Variants in PRELID2 observed in about 807,000 individuals in gnomAD.
The protein encoded by PRELID2 is PRELI domain containing 2, also known as PRELI domain-containing protein 2.
A neutral mutation model predicts 28.4 loss-of-function variants in PRELID2; 25 were observed. That is an observed-to-expected ratio of 0.88 (90% CI 0.64 to 1.23). The LOEUF (loss-of-function observed/expected upper bound fraction) is 1.23, where lower values mean the gene tolerates loss of function less well. Ranked by LOEUF, PRELID2 falls within the 50% of genes most tolerant of loss-of-function variation. The probability of loss-of-function intolerance (pLI) is 0.00; values close to 1 mark genes in which losing one functional copy is unlikely to be tolerated. For synonymous variants in PRELID2, 76 were observed against 71.6 expected (o/e 1.06, Z -0.31); for missense variants, 201 against 214.4 (o/e 0.94, Z 0.39).
rs534798658 is a variant in PRELID2 at position 145,672,502 on chromosome 5, A to G, written n.70+92429T>C. Among the ~76,000 whole-genome samples the G allele has an allele frequency of 1.6e-3, 148 of 91,680 alleles. 2 individuals are homozygous for G. The African/African-American group carries it at 0.016, about 10-fold the overall frequency. 60.1% of individuals were successfully genotyped at this position (91,680 alleles called of 152,430 possible). A position where few individuals can be genotyped will look rare whatever the true frequency, so the allele number is the denominator to read the frequency against. On this transcript the variant is annotated intron_variant and non_coding_transcript_variant, in intron 1 of 2. Transcript: ENST00000510259. ...CTCAGAATTCCCCACGGAGCTTGTG[A>G]AAAAAAAAAAAAAACAGCCACTTCA...
the PRELID2 span, among the ~76,000 whole-genome samples, chr5:145,323,991 T>C: frequency 6.6e-6 from 1 of 152,188 alleles, no homozygotes; most frequent in Non-Finnish European, 1.5e-5. Context: ...ATAATGGGAA[T>C]CCTGGGTCAA....
At chr5:145,283,103 C>A in the PRELID2 span, among the ~76,000 whole-genome samples, 1 of 152,104 alleles carries the variant, frequency 6.6e-6, no homozygotes, top group African/African-American at 2.4e-5. Context: ...TCATTTCAGC[C>A]GCCCCTAGAA....
At chr5:145,710,743 T>G (rs780630669) in intron 1 of PRELID2, among the ~76,000 whole-genome samples, 4 of 152,236 alleles carry the variant, frequency 2.6e-5, no homozygotes, top group Non-Finnish European at 5.9e-5. Flanking sequence ...TCACGCCATT[T>G]CATCTGCATG....
At chr5:145,359,819 G>T in the PRELID2 span, among the ~76,000 whole-genome samples, 1 of 152,150 alleles carries the variant, frequency 6.6e-6, no homozygotes, top group African/African-American at 2.4e-5. Context: ...AAGTATGCTT[G>T]CATGTTAAGT....
the PRELID2 span, among the ~76,000 whole-genome samples, chr5:145,410,244 G>T: frequency 6.6e-6 from 1 of 152,128 alleles, no homozygotes; most frequent in Non-Finnish European, 1.5e-5. Flanking sequence ...TCTAGATATT[G>T]GCTTAGGCAA....
the PRELID2 span, among the ~76,000 whole-genome samples, chr5:145,351,015 A>G: frequency 6.6e-6 from 1 of 152,188 alleles, no homozygotes; most frequent in Admixed American, 6.5e-5. Context: ...TATTTGGGAT[A>G]TTTAGGTAAT....
At chr5:145,706,135 T>C (rs1206799009) in intron 1 of PRELID2, among the ~76,000 whole-genome samples, 1 of 152,136 alleles carries the variant, frequency 6.6e-6, no homozygotes, top group East Asian at 1.9e-4. Flanking sequence ...AAAGTGTAGA[T>C]GAAAGACAAA....
At chr5:145,641,253 AC>A (rs1754101893) in intron 1 of PRELID2, among the ~76,000 whole-genome samples, 1 of 152,182 alleles carries the variant, frequency 6.6e-6, no homozygotes, top group Non-Finnish European at 1.5e-5. Flanking sequence ...AATATACCTA[AC>A]TGGCAAAGGA....
At chr5:145,551,400 CTAAATAAA>C (rs10574544) in intron 1 of PRELID2, among the ~76,000 whole-genome samples, 28,080 of 147,740 alleles carry the variant, frequency 0.19, 3,328 homozygotes, top group East Asian at 0.62. Context: ...GACTCAGTCT[CTAAATAAA>C]TAAATAAATA....
chr5:145,697,033 T>TTATA (rs36117637), intron 1 of PRELID2, among the ~76,000 whole-genome samples: 254 of 50,598 alleles, frequency 5.0e-3, no homozygotes, highest in Non-Finnish European at 7.1e-3. Context: ...GAGAGGAAAA[T>TTATA]TATATATATA....
chr5:145,640,290 C>T (rs545493893), intron 1 of PRELID2, among the ~76,000 whole-genome samples: 24 of 151,728 alleles, frequency 1.6e-4, no homozygotes, highest in South Asian at 2.1e-4. Context: ...ATCGAGACCA[C>T]GGTGAAACCC....
chr5:145,510,018 G>T (rs1381330598), intron 1 of PRELID2, among the ~76,000 whole-genome samples: 1 of 152,126 alleles, frequency 6.6e-6, no homozygotes, highest in African/African-American at 2.4e-5. Flanking sequence ...CAACATGCAT[G>T]ACCTTGAGCA....
At chr5:145,736,344 G>T (rs1480763538) in intron 1 of PRELID2, among the ~76,000 whole-genome samples, 5 of 151,974 alleles carry the variant, frequency 3.3e-5, no homozygotes, top group Admixed American at 3.3e-4. Flanking sequence ...TTGTCAGAAT[G>T]ATGAGGAATC....
intron 1 of PRELID2, among the ~76,000 whole-genome samples, chr5:145,674,216 T>G (rs1754768144): frequency 6.6e-6 from 1 of 152,214 alleles, no homozygotes; most frequent in Non-Finnish European, 1.5e-5. Flanking sequence ...AACGTGCAGG[T>G]TTGTTATGTA....
downstream of PRELID2, among the ~76,000 whole-genome samples, chr5:145,754,815 C>T (rs1384656739): frequency 6.6e-6 from 1 of 152,108 alleles, no homozygotes; most frequent in Non-Finnish European, 1.5e-5. Context: ...GGCAGGCCAT[C>T]CACGTCAATT....
At chr5:145,790,842 A>G (rs1752335324) in intron 5 of PRELID2, among the ~76,000 whole-genome samples, 1 of 148,424 alleles carries the variant, frequency 6.7e-6, no homozygotes, top group Non-Finnish European at 1.5e-5. Context: ...CTTTTAAATG[A>G]GTCCTCAAAA....
chr5:145,531,664 C>A (rs1187211397), intron 1 of PRELID2, among the ~76,000 whole-genome samples: 1 of 152,162 alleles, frequency 6.6e-6, no homozygotes, highest in Non-Finnish European at 1.5e-5. Flanking sequence ...TTTCCCCAGG[C>A]TCTGCAAGGC....
intron 1 of PRELID2, among the ~76,000 whole-genome samples, chr5:145,581,020 C>A (rs1343774375): frequency 6.6e-6 from 1 of 151,938 alleles, no homozygotes; most frequent in Admixed American, 6.6e-5. Flanking sequence ...TGTATCTTGT[C>A]TTTCCCTTTC....
chr5:145,532,255 C>T (rs144366439), intron 1 of PRELID2, among the ~76,000 whole-genome samples: 1 of 152,010 alleles, frequency 6.6e-6, no homozygotes, highest in Admixed American at 6.6e-5. Context: ...ATATGAATAA[C>T]AATACTTACT....
Sources: gnomAD v4.1 joint callset for allele counts (sites outside exome capture counted in the v4.1 genomes callset) on GRCh38, gnomAD v4.1.1 for gene constraint, MANE v1.5 for transcripts, NCBI Gene and HGNC (gene_info 2026-07-23, HGNC 2026-07-21) for gene names.